SGK3: variants seen among roughly 807,000 people sequenced by gnomAD.
The protein encoded by SGK3 is serine/threonine-protein kinase Sgk3.
In SGK3, 47 loss-of-function variants were observed where a neutral mutation model predicts 68.5. That is an observed-to-expected ratio of 0.69 (90% CI 0.54 to 0.87). The LOEUF (loss-of-function observed/expected upper bound fraction) is 0.87, where lower values mean the gene tolerates loss of function less well. Among genes scored for constraint, SGK3 ranks in the 40% least tolerant of loss-of-function variants. SGK3 has a pLI of 0.00. For missense variants in SGK3, 479 were observed against 575.5 expected (o/e 0.83, Z 1.72); for synonymous variants, 181 against 189.1 (o/e 0.96, Z 0.35).
At chr8:66,816,791 C>CTA (rs1384871966) in intron 5 of SGK3, among the ~76,000 whole-genome samples, 1 of 152,090 alleles carries the variant, frequency 6.6e-6, no homozygotes, top group Non-Finnish European at 1.5e-5. Flanking sequence ...TGAGCACCTC[C>CTA]TATATACCTG....
intron 1 of SGK3, among the ~76,000 whole-genome samples, chr8:66,789,973 G>A (rs922571660): frequency 6.6e-6 from 1 of 152,114 alleles, no homozygotes; most frequent in African/African-American, 2.4e-5. Context: ...AGCTACTTGG[G>A]AGGCTGAGGT....
intron 5 of SGK3, among the ~76,000 whole-genome samples, chr8:66,816,745 G>T (rs957688166): frequency 6.6e-6 from 1 of 152,178 alleles, no homozygotes; most frequent in African/African-American, 2.4e-5. Context: ...AGAAATTTAA[G>T]AGGGCAAGAA....
At chr8:66,728,077 C>T (rs892450738) in intron 1 of SGK3, among the ~76,000 whole-genome samples, 18 of 152,234 alleles carry the variant, frequency 1.2e-4, no homozygotes, top group Admixed American at 9.2e-4. Context: ...CAGCCATCAC[C>T]ACTATCTAAT....
intron 1 of SGK3, among the ~76,000 whole-genome samples, chr8:66,732,018 A>G (rs1297111055): frequency 6.6e-6 from 1 of 152,208 alleles, no homozygotes; most frequent in African/African-American, 2.4e-5. Context: ...TTAAAAGTTT[A>G]CTTGCTAACA....
At position 66,861,915 on chromosome 8, in the gene SGK3, T is replaced by G. The variant is rs534557907; in HGVS notation, c.*2334T>G. On this transcript the variant is annotated 3_prime_UTR_variant, in exon 17 of 17. Transcript: ENST00000521198. ...CCTGTTAAGCTGCCAAAAATTAAAG[T>G]GCAATATTGTATATTTTTAAGAACA... 2.6e-5 allele frequency: 4 copies of G among 152,308 alleles called. No individual in the cohort carries two copies. The highest frequency in any genetic ancestry group is 2.6e-4 in the Admixed American group (4 of 15,290). The allele number at this position is 152,308 out of a possible 1,614,324, so 9.4% of individuals were successfully genotyped here.
chr8:66,788,370 TC>T (rs1311071828), intron 1 of SGK3, among the ~76,000 whole-genome samples: 1 of 152,352 alleles, frequency 6.6e-6, no homozygotes, highest in East Asian at 1.9e-4. Flanking sequence ...TTGCATCTCT[TC>T]CTGGGCCTAG....
At chr8:66,846,001 A>T (rs1585806266) in intron 14 of SGK3, among the ~76,000 whole-genome samples, 2 of 152,302 alleles carry the variant, frequency 1.3e-5, no homozygotes, top group East Asian at 3.9e-4. Flanking sequence ...TTTTATAAAA[A>T]TACTGGTAAC....
At position 66,744,527 on chromosome 8, in the gene SGK3, T is replaced by TG. The variant is rs764935660; in HGVS notation, c.-122+31694_-122+31695insG. On this transcript the variant is annotated intron_variant, in intron 1 of 16. Coordinates refer to ENST00000521198, the MANE Select transcript of SGK3 (RefSeq NM_001033578.3). The stretch of plus-strand genomic sequence containing the variant: ...TATATATATATATATATATTTTTTT[T>TG]TTTTTTTTTTTTTTTTTTAGATGGA... 4.3e-3 allele frequency among the ~76,000 whole-genome samples: 420 copies of TG among 97,800 alleles called. 14 individuals carry two copies. Among genetic ancestry groups the TG allele is most frequent in the African/African-American group, 0.016 (322 of 20,104 alleles). 64.2% of individuals were successfully genotyped at this position (97,800 alleles called of 152,430 possible). A position where few individuals can be genotyped will look rare whatever the true frequency, so the allele number is the denominator to read the frequency against.
chr8:66,736,492 C>T (rs918529689), intron 1 of SGK3, among the ~76,000 whole-genome samples: 3 of 152,096 alleles, frequency 2.0e-5, no homozygotes, highest in African/African-American at 7.2e-5. Flanking sequence ...AGGTCTTGCT[C>T]TGTTGCCCAG....
chr8:66,755,328 G>A (rs1033590066), intron 1 of SGK3, among the ~76,000 whole-genome samples: 3 of 151,788 alleles, frequency 2.0e-5, no homozygotes, highest in African/African-American at 7.3e-5. Context: ...CTGTGATGCT[G>A]TGTTTTGATT....
At chr8:66,718,592 G>A (rs972784424) in intron 1 of SGK3, among the ~76,000 whole-genome samples, 3 of 151,648 alleles carry the variant, frequency 2.0e-5, no homozygotes, top group East Asian at 3.9e-4. Flanking sequence ...GCAGTGGCAC[G>A]ATTTTGGCTC....
intron 1 of SGK3, among the ~76,000 whole-genome samples, chr8:66,718,400 A>G (rs776666123): frequency 6.6e-6 from 1 of 151,828 alleles, no homozygotes; most frequent in Non-Finnish European, 1.5e-5. Flanking sequence ...GCATCTATAC[A>G]TGCAGATAAA....
intron 1 of SGK3, among the ~76,000 whole-genome samples, chr8:66,759,930 TA>T (rs1383968320): frequency 6.6e-6 from 1 of 152,182 alleles, no homozygotes; most frequent in East Asian, 1.9e-4. Flanking sequence ...GTTTAGGGTT[TA>T]CCTGGATAAT....
chr8:66,807,070 G>A (rs1276651880), intron 4 of SGK3, among the ~76,000 whole-genome samples: 1 of 152,124 alleles, frequency 6.6e-6, no homozygotes, highest in Non-Finnish European at 1.5e-5. Flanking sequence ...AATAGCCCTG[G>A]CATTAGATAA....
At chr8:66,744,022 G>A (rs1239107827) in intron 1 of SGK3, among the ~76,000 whole-genome samples, 1 of 152,144 alleles carries the variant, frequency 6.6e-6, no homozygotes, top group Admixed American at 6.5e-5. Context: ...TCTTACCTGG[G>A]CTGGATCCTT....
chr8:66,719,384 T>G (rs1018176018), intron 1 of SGK3, among the ~76,000 whole-genome samples: 1 of 152,142 alleles, frequency 6.6e-6, no homozygotes, highest in African/African-American at 2.4e-5. Flanking sequence ...TGGAATGCAG[T>G]GGCACGACTG....
intron 8 of SGK3, among the ~76,000 whole-genome samples, chr8:66,833,186 A>G (rs1198342607): frequency 6.6e-6 from 1 of 151,948 alleles, no homozygotes; most frequent in Non-Finnish European, 1.5e-5. Context: ...TTGTATTTTT[A>G]GTGGGGACGG....
At chr8:66,804,263 G>A (rs1161465878) in intron 3 of SGK3, 112 bp from the exon 4 acceptor site, 12 of 884,088 alleles carry the variant, frequency 1.4e-5, no homozygotes, top group Non-Finnish European at 1.8e-5. Context: ...AAATTCAAAA[G>A]TATGTCTTAT....
rs1808392611 is a variant in SGK3, at chr8:66,811,816, A to G, written c.254-2037A>G. On this transcript the variant is annotated intron_variant, in intron 4 of 16. Coordinates refer to ENST00000521198, the MANE Select transcript of SGK3 (RefSeq NM_001033578.3). Reference sequence around the variant, plus strand: ...ATGTAGTCATTCATTTTAGTTCTTCATATGTTACTAAATTCAGTTCTCGAG... The same window carrying G: ...ATGTAGTCATTCATTTTAGTTCTTCGTATGTTACTAAATTCAGTTCTCGAG... Among the ~76,000 whole-genome samples the G allele has an allele frequency of 2.6e-5, 4 of 152,236 alleles. No homozygotes were observed. In the South Asian group the frequency reaches 8.3e-4, roughly 31 times the overall value.
Sources: gnomAD v4.1 joint callset for allele counts (sites outside exome capture counted in the v4.1 genomes callset) on GRCh38, gnomAD v4.1.1 for gene constraint, MANE v1.5 for transcripts, NCBI Gene and HGNC (gene_info 2026-07-23, HGNC 2026-07-21) for gene names.